Variants in DPP10 observed in about 807,000 individuals in gnomAD.
The protein encoded by DPP10 is inactive dipeptidyl peptidase 10.
DPP10 carries 33 observed loss-of-function variants against 120.9 expected under a neutral mutation model. The ratio of observed to expected loss-of-function variants is 0.27; its 90% CI spans 0.21 to 0.37. The LOEUF is 0.37. Ranked by LOEUF, DPP10 falls within the 10% of genes least tolerant of loss-of-function variation. DPP10 has a pLI of 1.00. For synonymous variants in DPP10, 337 were observed against 326.1 expected (o/e 1.03, Z -0.36); for missense variants, 816 against 942.8 (o/e 0.87, Z 1.76).
At chr2:115,766,284 A>ATGTGTGTGTGTGTGTGTGTG (rs1367029368) in intron 12 of DPP10, among the ~76,000 whole-genome samples, 1 of 50,196 alleles carries the variant, frequency 2.0e-5, no homozygotes, top group East Asian at 8.4e-4. Flanking sequence ...CTCATTATAT[A>ATGTGTGTGTGTGTGTGTGTG]TATGTGTGTG....
chr2:115,315,967 A>G (rs967980100), intron 2 of DPP10, among the ~76,000 whole-genome samples: 6 of 152,128 alleles, frequency 3.9e-5, no homozygotes, highest in African/African-American at 1.4e-4. Flanking sequence ...TTTCATTTCT[A>G]TATTTAAGCC....
At chr2:114,908,139 G>A (rs140027785) in intron 1 of DPP10, among the ~76,000 whole-genome samples, 20 of 151,968 alleles carry the variant, frequency 1.3e-4, no homozygotes, top group Non-Finnish European at 1.8e-4. Context: ...CTCTCTCAGG[G>A]TTGCTATTTG....
intron 5 of DPP10, among the ~76,000 whole-genome samples, chr2:115,613,012 G>A (rs994864521): frequency 1.2e-4 from 19 of 152,110 alleles, no homozygotes; most frequent in Admixed American, 1.2e-3. Context: ...TTTAATGTGT[G>A]TAGCCACAAC....
chr2:115,248,822 A>G (rs933364909), intron 1 of DPP10, among the ~76,000 whole-genome samples: 2 of 152,144 alleles, frequency 1.3e-5, no homozygotes, highest in South Asian at 2.1e-4. Context: ...GTGTTAATGC[A>G]CCATGTAACC....
At chr2:115,629,178 G>A (rs2085626167) in intron 5 of DPP10, among the ~76,000 whole-genome samples, 1 of 152,164 alleles carries the variant, frequency 6.6e-6, no homozygotes, top group African/African-American at 2.4e-5. Context: ...GTATTCCATG[G>A]TGTATATGTG....
chr2:115,603,570 G>GTTTTTTTTTTTTTTTTTTTTTT (rs61548055), intron 5 of DPP10, among the ~76,000 whole-genome samples: 2 of 99,286 alleles, frequency 2.0e-5, no homozygotes, highest in African/African-American at 3.2e-5. Flanking sequence ...GTTTTTTTTT[G>GTTTTTTTTTTTTTTTTTTTTTT]TTTTTTTTTT....
At chr2:114,897,197 AT>A (rs897133299) in intron 1 of DPP10, among the ~76,000 whole-genome samples, 4 of 152,152 alleles carry the variant, frequency 2.6e-5, no homozygotes, top group African/African-American at 9.7e-5. Context: ...CTAAAATTCA[AT>A]TTTTTGGTTG....
At chr2:115,555,010 C>T (rs2080118536) in intron 5 of DPP10, among the ~76,000 whole-genome samples, 1 of 152,060 alleles carries the variant, frequency 6.6e-6, no homozygotes, top group Admixed American at 6.6e-5. Flanking sequence ...GAGAAAATAT[C>T]TAACTTCTGC....
At chr2:114,786,776 A>G (rs780640794) in intron 1 of DPP10, among the ~76,000 whole-genome samples, 13 of 152,196 alleles carry the variant, frequency 8.5e-5, no homozygotes, top group South Asian at 2.1e-4. Context: ...AAAACAACCA[A>G]AGCAGTGTGG....
intron 1 of DPP10, among the ~76,000 whole-genome samples, chr2:114,858,412 G>A (rs1259502753): frequency 1.3e-5 from 2 of 152,196 alleles, no homozygotes; most frequent in African/African-American, 4.8e-5. Flanking sequence ...ATGAGATAAA[G>A]CATGTAAACA....
Position 115,617,289 on chromosome 2 carries a change from T to TATATATATACAC in DPP10, c.442-72397_442-72396insTATATATACACA, listed in dbSNP as rs67359999. 1.4e-3 allele frequency among the ~76,000 whole-genome samples: 197 copies of TATATATATACAC among 136,526 alleles called. 1 individual carries two copies. The Middle Eastern group carries it at 0.028, about 19-fold the overall frequency. The allele number at this position is 136,526 out of a possible 152,430, so 89.6% of individuals were successfully genotyped here. On this transcript the variant is annotated intron_variant, in intron 5 of 25. Transcript: ENST00000410059. Reference sequence around the variant, plus strand: ...TATATTTTTTATATATATATATATATACACACATAGCATATATGTATATGC... The same window carrying TATATATATACAC: ...TATATTTTTTATATATATATATATATATATATATACACACACACATAGCATATATGTATATGC...
chr2:115,793,173 GT>G (rs1026228589), intron 19 of DPP10, among the ~76,000 whole-genome samples: 7 of 151,894 alleles, frequency 4.6e-5, no homozygotes, highest in Non-Finnish European at 7.4e-5. Context: ...GGCACTTGGG[GT>G]TTTTTTTGAG....
At chr2:115,648,321 T>C (rs535050078) in intron 5 of DPP10, among the ~76,000 whole-genome samples, 20 of 152,138 alleles carry the variant, frequency 1.3e-4, no homozygotes, top group African/African-American at 4.6e-4. Flanking sequence ...TATAGTTAAA[T>C]AGGAGGAGTA....
intron 3 of DPP10, among the ~76,000 whole-genome samples, chr2:115,381,995 G>A (rs2066414610): frequency 6.6e-6 from 1 of 152,168 alleles, no homozygotes; most frequent in Non-Finnish European, 1.5e-5. Context: ...AGAGGTTACT[G>A]CTGTCTTTTT....
At chr2:115,172,654 G>T (rs74571423) in intron 1 of DPP10, among the ~76,000 whole-genome samples, 4,581 of 152,220 alleles carry the variant, frequency 0.03, 231 homozygotes, top group African/African-American at 0.1. Context: ...ATCTGAAAAT[G>T]AATTGATGTT....
chr2:114,590,046 A>G (rs1691329414), intron 1 of DPP10, among the ~76,000 whole-genome samples: 1 of 152,184 alleles, frequency 6.6e-6, no homozygotes, highest in Non-Finnish European at 1.5e-5. Flanking sequence ...GTGTACTGGT[A>G]AATGTTTATC....
At chr2:114,892,819 T>C (rs1057298673) in intron 1 of DPP10, among the ~76,000 whole-genome samples, 1 of 152,120 alleles carries the variant, frequency 6.6e-6, no homozygotes, top group African/African-American at 2.4e-5. Flanking sequence ...GACAAGCCTC[T>C]TTCCAAAAAC....
intron 1 of DPP10, among the ~76,000 whole-genome samples, chr2:114,932,867 A>T (rs548445571): frequency 1.3e-5 from 2 of 152,356 alleles, no homozygotes; most frequent in East Asian, 3.9e-4. Flanking sequence ...AAGAATAAAA[A>T]AGTATGCCTC....
At chr2:114,483,631 A>G (rs577287070) in intron 1 of DPP10, among the ~76,000 whole-genome samples, 1 of 152,204 alleles carries the variant, frequency 6.6e-6, no homozygotes, top group East Asian at 1.9e-4. Flanking sequence ...TGCAATATAT[A>G]TATTTTTGTC....
Sources: allele counts gnomAD v4.1 joint callset (sites outside exome capture counted in the v4.1 genomes callset), GRCh38; gene constraint gnomAD v4.1.1; transcripts MANE v1.5; gene names NCBI Gene and HGNC (gene_info 2026-07-23, HGNC 2026-07-21).